CSMD1: variants seen among roughly 807,000 people sequenced by gnomAD.
CSMD1 encodes the protein CUB and sushi domain-containing protein 1.
A neutral mutation model predicts 417.5 loss-of-function variants in CSMD1; 213 were observed. That is an observed-to-expected ratio of 0.51 (90% CI 0.46 to 0.57). The LOEUF is 0.57. CSMD1 is among the 20% of genes least tolerant of loss of function. The pLI, the probability that CSMD1 is intolerant of heterozygous loss-of-function variation, is 0.00. For synonymous variants in CSMD1, 2,862 were observed against 1,736.8 expected, an observed-to-expected ratio of 1.65 and a Z score of -16.11; for missense variants, 6,923 against 4,529.7, an observed-to-expected ratio of 1.53 and a Z score of -15.17.
At chr8:3,261,970 T>G (rs1379920323) in intron 26 of CSMD1, among the ~76,000 whole-genome samples, 1 of 151,862 alleles carries the variant, frequency 6.6e-6, no homozygotes, top group African/African-American at 2.4e-5. Context: ...TAGTGAACTC[T>G]AGTTCTACAG....
chr8:3,091,486 T>C (rs1298281117), intron 48 of CSMD1, 30 bp downstream of exon 48: 5 of 1,534,272 alleles, frequency 3.3e-6, no homozygotes, highest in East Asian at 2.3e-5. Flanking sequence ...TAAAATACTT[T>C]CATATAAAAT....
At chr8:3,147,045 T>C (rs1545702) in intron 40 of CSMD1, among the ~76,000 whole-genome samples, 113,119 of 151,906 alleles carry the variant, frequency 0.74, 42,817 homozygotes, top group Non-Finnish European at 0.81. Context: ...GGATAAGTGT[T>C]ATTACTCAGA....
rs527618583 is a variant in CSMD1, at chr8:3,930,580, C to G, written c.818+67323G>C. Among the ~76,000 whole-genome samples the G allele has an allele frequency of 5.3e-4, 80 of 150,418 alleles. 2 individuals are homozygous for G. Among genetic ancestry groups the G allele is most frequent in the African/African-American group, 1.9e-3 (77 of 40,812 alleles). On this transcript the variant is annotated intron_variant, in intron 5 of 69. Coordinates refer to ENST00000635120, the MANE Select transcript of CSMD1 (RefSeq NM_033225.6). ...GGGACAAATACAGAATCTGAGGTCCCGTTCCAGCCAAAGGAAACGGGACAC... is the reference window on the plus strand; with the variant it reads ...GGGACAAATACAGAATCTGAGGTCCGGTTCCAGCCAAAGGAAACGGGACAC...
intron 1 of CSMD1, among the ~76,000 whole-genome samples, chr8:4,891,058 T>C (rs1446044530): frequency 6.6e-6 from 1 of 152,068 alleles, no homozygotes; most frequent in Non-Finnish European, 1.5e-5. Flanking sequence ...ATGCCCAAAT[T>C]AATAGTTAAT....
chr8:4,473,181 C>A (rs1471778560), intron 2 of CSMD1, among the ~76,000 whole-genome samples: 1 of 151,948 alleles, frequency 6.6e-6, no homozygotes, highest in Non-Finnish European at 1.5e-5. Flanking sequence ...TTTTCCAAAC[C>A]AATGACGACT....
At chr8:3,902,391 G>C (rs1007840225) in intron 5 of CSMD1, among the ~76,000 whole-genome samples, 1 of 152,182 alleles carries the variant, frequency 6.6e-6, no homozygotes, top group East Asian at 1.9e-4. Context: ...CAAATTGTTG[G>C]ATCTTCCTAA....
At chr8:4,448,957 C>G (rs561950023) in intron 2 of CSMD1, among the ~76,000 whole-genome samples, 2 of 152,286 alleles carry the variant, frequency 1.3e-5, no homozygotes, top group East Asian at 1.9e-4. Context: ...GTACCTGTTT[C>G]TCTTCTGGAT....
intron 1 of CSMD1, among the ~76,000 whole-genome samples, chr8:4,789,457 G>T (rs1012683450): frequency 2.0e-5 from 3 of 152,022 alleles, no homozygotes; most frequent in Non-Finnish European, 4.4e-5. Flanking sequence ...ACAAAATAAC[G>T]CATTTAAACG....
At position 3,586,127 on chromosome 8, in the gene CSMD1, G is replaced by C; in HGVS notation, c.1222+9C>G. 1.9e-6 allele frequency: 3 copies of C among 1,609,358 alleles called. No individual in the cohort carries two copies. The highest frequency in any genetic ancestry group is 2.5e-6 in the Non-Finnish European group (3 of 1,178,280). ...ATAATCCAGGCTTTACCCACCGCAGGTGCCTTACCTCGGCAGATGGGCCTG... is the reference window on the plus strand; with the variant it reads ...ATAATCCAGGCTTTACCCACCGCAGCTGCCTTACCTCGGCAGATGGGCCTG... On this transcript the variant is annotated intron_variant, in intron 9 of 69. Coordinates refer to ENST00000635120, the MANE Select transcript of CSMD1 (RefSeq NM_033225.6).
At chr8:4,431,659 G>C (rs972543202) in intron 2 of CSMD1, among the ~76,000 whole-genome samples, 3 of 152,136 alleles carry the variant, frequency 2.0e-5, no homozygotes, top group African/African-American at 7.2e-5. Context: ...AACTGGAAAG[G>C]AAGAAAAGAT....
chr8:3,530,402 T>G (rs1797928132), intron 10 of CSMD1, among the ~76,000 whole-genome samples: 1 of 152,230 alleles, frequency 6.6e-6, no homozygotes, highest in African/African-American at 2.4e-5. Context: ...CCTTGTGATT[T>G]TTTCTTCGAT....
chr8:4,730,197 G>C (rs977898033), intron 1 of CSMD1, among the ~76,000 whole-genome samples: 4 of 151,958 alleles, frequency 2.6e-5, no homozygotes, highest in Non-Finnish European at 5.9e-5. Context: ...ATGGAAAAGA[G>C]GGAGACAGAA....
intron 7 of CSMD1, among the ~76,000 whole-genome samples, chr8:3,671,575 ATATATATATATATATATATG>A (rs1281284465): frequency 1.7e-4 from 17 of 100,318 alleles, no homozygotes; most frequent in Non-Finnish European, 3.4e-4. Flanking sequence ...ATATATATAT[ATATATATATATATATATATG>A]ATTAGTTCTA....
intron 12 of CSMD1, among the ~76,000 whole-genome samples, chr8:3,435,472 C>G (rs1814496955): frequency 6.6e-6 from 1 of 152,084 alleles, no homozygotes; most frequent in African/African-American, 2.4e-5. Flanking sequence ...CACATTCTGT[C>G]CAATCCTTTC....
chr8:4,335,679 G>A (rs1018712041), intron 3 of CSMD1, among the ~76,000 whole-genome samples: 3 of 152,032 alleles, frequency 2.0e-5, no homozygotes, highest in Non-Finnish European at 4.4e-5. Context: ...AGTATATTGT[G>A]CAAAATTGTT....
intron 1 of CSMD1, among the ~76,000 whole-genome samples, chr8:4,735,357 T>G (rs962250753): frequency 6.6e-6 from 1 of 152,220 alleles, no homozygotes; most frequent in African/African-American, 2.4e-5. Flanking sequence ...GGATTTTCTG[T>G]TGCCAAGCCC....
At chr8:3,173,971 G>C (rs1184322810) in intron 37 of CSMD1, among the ~76,000 whole-genome samples, 1 of 152,104 alleles carries the variant, frequency 6.6e-6, no homozygotes, top group African/African-American at 2.4e-5. Context: ...GCATTTTCCA[G>C]AATTTTAATC....
chr8:4,089,447 T>C (rs983351443), intron 3 of CSMD1, among the ~76,000 whole-genome samples: 1 of 152,210 alleles, frequency 6.6e-6, no homozygotes, highest in African/African-American at 2.4e-5. Flanking sequence ...TTCACTCATT[T>C]TTGTGTCCTT....
intron 5 of CSMD1, among the ~76,000 whole-genome samples, chr8:3,828,224 C>T (rs999647708): frequency 6.6e-6 from 1 of 152,120 alleles, no homozygotes; most frequent in African/African-American, 2.4e-5. Context: ...AAAAGACACT[C>T]TTATTATCAT....
Sources: allele counts gnomAD v4.1 joint callset (sites outside exome capture counted in the v4.1 genomes callset), GRCh38; gene constraint gnomAD v4.1.1; transcripts MANE v1.5; gene names NCBI Gene and HGNC (gene_info 2026-07-23, HGNC 2026-07-21).